CCNF: variants seen among roughly 807,000 people sequenced by gnomAD.
CCNF encodes the protein cyclin-F.
In CCNF, 30 loss-of-function variants were observed where a neutral mutation model predicts 85.4. The observed-to-expected ratio is 0.35, with a 90% CI of 0.26 to 0.48. The LOEUF is 0.48. CCNF is among the 20% of genes least tolerant of loss of function. CCNF has a pLI of 0.99. For synonymous variants in CCNF, 439 were observed against 425.1 expected, an observed-to-expected ratio of 1.03 and a Z score of -0.40; for missense variants, 919 against 1,010.4, an observed-to-expected ratio of 0.91 and a Z score of 1.23.
intron 6 of CCNF, among the ~76,000 whole-genome samples, chr16:2,438,767 C>A (rs1209749587): frequency 6.6e-6 from 1 of 151,078 alleles, no homozygotes; most frequent in African/African-American, 2.4e-5. Context: ...GAGGCCGAGG[C>A]GGGTGGATCA....
intron 7 of CCNF, 65 bp from the exon 8 acceptor site, chr16:2,439,684 G>A: frequency 7.3e-7 from 1 of 1,366,950 alleles, no homozygotes; most frequent in Non-Finnish European, 1.0e-6. Flanking sequence ...GGCCCTTCTG[G>A]GTCTTGGTTC....
chr16:2,441,570 G>T lies in CCNF; in HGVS notation c.777+1744G>T, dbSNP rs558809627. ...TCACTTGAAGCCAGGAGTTCTCTCTGTTGCCCAGGCTAGAGCACAGTGGTG... is the reference window on the plus strand; with the variant it reads ...TCACTTGAAGCCAGGAGTTCTCTCTTTTGCCCAGGCTAGAGCACAGTGGTG... On this transcript the variant is annotated intron_variant, in intron 8 of 16. Coordinates refer to ENST00000397066, the MANE Select transcript of CCNF (RefSeq NM_001761.3). Among the ~76,000 whole-genome samples the T allele has an allele frequency of 5.9e-5, 9 of 152,142 alleles. No individual in the cohort carries two copies. In the South Asian group the frequency reaches 1.9e-3, roughly 32 times the overall value.
chr16:2,433,226 C>T (rs1482882058), intron 3 of CCNF, among the ~76,000 whole-genome samples, 159 bp downstream of exon 3: 2 of 152,162 alleles, frequency 1.3e-5, no homozygotes, highest in Admixed American at 6.5e-5. Flanking sequence ...GCAGACCTCA[C>T]GCATCAGGCC....
At chr16:2,449,176 T>G in intron 11 of CCNF, 106 bp from the exon 12 acceptor site, 1 of 1,470,918 alleles carries the variant, frequency 6.8e-7, no homozygotes, top group Non-Finnish European at 9.5e-7. Context: ...GCGTGCAGCA[T>G]CGGCGTGAAC....
chr16:2,451,105 G>A lies in CCNF; in HGVS notation c.1487+1190G>A, dbSNP rs1431055617. 6.6e-6 allele frequency among the ~76,000 whole-genome samples: 1 copy of A among 152,226 alleles called. No individual in the cohort carries two copies. The highest frequency in any genetic ancestry group is 1.5e-5 in the Non-Finnish European group (1 of 68,044). On this transcript the variant is annotated intron_variant, in intron 13 of 16. Transcript: ENST00000397066. This position sits in a 1 kb window ranked among gnomAD's most constrained non-coding sequence, Gnocchi z 4.3. ...CACTCGCCCTGGCAGCTTCCCTTCA[G>A]CCCACGTTGGTTTGTTCCATGCAGT...
intron 4 of CCNF, 81 bp downstream of exon 4, chr16:2,435,954 A>G (rs2065288885): frequency 9.9e-7 from 1 of 1,011,056 alleles, no homozygotes; most frequent in Non-Finnish European, 1.5e-6. Context: ...TCCCCGTGTT[A>G]GCAGTTCAGT....
chr16:2,448,259 C>T (rs2065372934), intron 10 of CCNF, among the ~76,000 whole-genome samples: 1 of 152,230 alleles, frequency 6.6e-6, no homozygotes, highest in Non-Finnish European at 1.5e-5. Flanking sequence ...AAATCTCTGT[C>T]CTTGGTGTCT....
chr16:2,444,057 C>A (rs961845863), intron 9 of CCNF, among the ~76,000 whole-genome samples: 11 of 151,680 alleles, frequency 7.3e-5, no homozygotes, highest in Non-Finnish European at 1.6e-4. Context: ...GTAGCTGGGA[C>A]TACAGGCACC....
intron 15 of CCNF, among the ~76,000 whole-genome samples, chr16:2,454,095 C>T (rs749553041): frequency 3.9e-5 from 6 of 152,318 alleles, no homozygotes; most frequent in South Asian, 2.1e-4. Flanking sequence ...GGCCCTGCGC[C>T]GTGACCCCTC....
Position 2,449,815 on chromosome 16 carries a change from C to A in CCNF, c.1400-13C>A, listed in dbSNP as rs770412291. ...CTCCATCCCCTCCACCCCTGGCCTG[C>A]TTTCCTCCCCAGCACAGCCCTGGAC... On this transcript the variant is annotated splice_polypyrimidine_tract_variant and intron_variant, in intron 12 of 16. Coordinates refer to ENST00000397066, the MANE Select transcript of CCNF (RefSeq NM_001761.3). The A allele has an allele frequency of 5.7e-6, 9 of 1,590,932 alleles. No individual in the cohort carries two copies. The highest frequency in any genetic ancestry group is 1.7e-4 in the Middle Eastern group (1 of 6,032).
At chr16:2,445,726 G>GTTTTTT in intron 10 of CCNF, 104 bp downstream of exon 10, 58 of 834,894 alleles carry the variant, frequency 6.9e-5, no homozygotes, top group Middle Eastern at 7.5e-4. Flanking sequence ...TTTGTTTTGT[G>GTTTTTT]TTGTTTTTTT....
In CCNF at chr16:2,456,671, T is replaced by C. The variant is rs775797148; in HGVS notation, c.2012T>C (p.Leu671Pro). ...EDKGPQDPQA[L>P]ALDTQIPATP... is the part of the protein sequence containing the mutation. Reference sequence around the variant, plus strand: ...AAGGGACCCCAGGACCCACAGGCACTGGCGCTGGACACCCAGATCCCTGCA... The same window carrying C: ...AAGGGACCCCAGGACCCACAGGCACCGGCGCTGGACACCCAGATCCCTGCA... Residue 671 changes from leucine to proline, a missense_variant, in exon 17 of 17, where the codon CTG (leucine) becomes CCG (proline). This residue lies in a region of CCNF where 505 missense variants were observed against 514.8 expected (regional missense o/e 0.98). Transcript: ENST00000397066. The surrounding 1 kb of genome is among the most constrained non-coding windows in gnomAD (Gnocchi z 4.5). The C allele has an allele frequency of 6.2e-7, 1 of 1,613,532 alleles. No individual in the cohort carries two copies. The highest frequency in any genetic ancestry group is 8.5e-7 in the Non-Finnish European group (1 of 1,179,912).
chr16:2,455,681 G>A lies in CCNF; in HGVS notation c.1885+117G>A, dbSNP rs1239430999. ...TGTGGGAGGAAGATGTGCACAGAGT[G>A]CGGGGTGGGGCCAGCTCCTGCCCCG... On this transcript the variant is annotated intron_variant, in intron 16 of 16. Coordinates refer to ENST00000397066, the MANE Select transcript of CCNF (RefSeq NM_001761.3). The A allele has an allele frequency of 6.4e-6, 9 of 1,406,996 alleles. No homozygotes were observed. The Admixed American group carries it at 1.4e-4, about 22-fold the overall frequency. The allele number at this position is 1,406,996 out of a possible 1,614,324, so 87.2% of individuals were successfully genotyped here. A position where few individuals can be genotyped will look rare whatever the true frequency, so the allele number is the denominator to read the frequency against.
chr16:2,445,432 GTTCCCACGTGC>G lies in CCNF; in HGVS notation c.930-22_930-12del, dbSNP rs1335036561. On this transcript the variant is annotated splice_polypyrimidine_tract_variant and intron_variant, in intron 9 of 16. Transcript: ENST00000397066. ...GGACACATGGAGAACGCCCCCACCA[GTTCCCACGTGC>G]TTCTCTTTCCGCAGGTACATTCTGA... is the stretch of plus-strand genomic sequence containing the variant. 6.2e-7 allele frequency: 1 copy of G among 1,613,160 alleles called. No individual in the cohort carries two copies. Among genetic ancestry groups the G allele is most frequent in the Admixed American group, 1.7e-5 (1 of 59,952 alleles).
chr16:2,431,658 C>T (rs1328611052), intron 2 of CCNF, among the ~76,000 whole-genome samples: 3 of 117,918 alleles, frequency 2.5e-5, no homozygotes, highest in African/African-American at 6.7e-5. Context: ...CCAGCCTGGG[C>T]GACAGAGCGA....
chr16:2,438,431 G>A (rs1220595057), intron 6 of CCNF, among the ~76,000 whole-genome samples: 3 of 152,194 alleles, frequency 2.0e-5, no homozygotes, highest in East Asian at 3.9e-4. Flanking sequence ...TCTCCTGCTC[G>A]TGTGGACCTC....
In CCNF at chr16:2,446,021, C is replaced by T. The variant is rs150834162; in HGVS notation, c.1094+399C>T. ...CTGGGATTACAGGCACAAGCCACTG[C>T]GCCTGGCCCTCACTGGTTCTTGACT... On this transcript the variant is annotated intron_variant, in intron 10 of 16. Transcript: ENST00000397066. Among the ~76,000 whole-genome samples, 122 of 151,268 alleles carry T rather than the reference C, an allele frequency of 8.1e-4. 2 individuals are homozygous for T. The East Asian group carries it at 0.021, about 26-fold the overall frequency.
Position 2,453,778 on chromosome 16 carries a change from C to CA in CCNF, c.1715+241_1715+242insA, listed in dbSNP as rs201347478. Among the ~76,000 whole-genome samples, 1,745 of 152,320 alleles carry CA rather than the reference C, an allele frequency of 0.011. 36 individuals are homozygous for CA. Among genetic ancestry groups the CA allele is most frequent in the African/African-American group, 0.038 (1,595 of 41,558 alleles). On this transcript the variant is annotated intron_variant, in intron 15 of 16. Transcript: ENST00000397066. The surrounding 1 kb of genome is among the most constrained non-coding windows in gnomAD (Gnocchi z 5.6). ...ATTGCCTCTCGCTCTGACTGGGCTC[C>CA]CTGTGGAGGAAGATGGTTTCGAGCA...
Position 2,453,209 on chromosome 16 carries a change from G to A in CCNF, c.1488-1G>A. 6.2e-7 allele frequency: 1 copy of A among 1,613,660 alleles called. No individual in the cohort carries two copies. Among genetic ancestry groups the A allele is most frequent in the Non-Finnish European group, 8.5e-7 (1 of 1,179,982 alleles). ...TCCACTCCACGTGACTCTGTTTCCA[G>A]CTTCCATGATGACGCCCCCAAGGAC... On this transcript the variant is annotated splice_acceptor_variant, in intron 13 of 16. Transcript: ENST00000397066. LOFTEE classifies it high-confidence loss of function. The surrounding 1 kb of genome is among the most constrained non-coding windows in gnomAD (Gnocchi z 5.6).
Sources: allele counts gnomAD v4.1 joint callset (sites outside exome capture counted in the v4.1 genomes callset), GRCh38; gene constraint gnomAD v4.1.1; regional missense constraint gnomAD v4.1.1; non-coding constraint Gnocchi (gnomAD v3.1); transcripts MANE v1.5; gene names NCBI Gene and HGNC (gene_info 2026-07-23, HGNC 2026-07-21).